FUT9: variants seen among roughly 807,000 people sequenced by gnomAD.
The protein encoded by FUT9 is 4-galactosyl-N-acetylglucosaminide 3-alpha-L-fucosyltransferase 9.
In FUT9, 15 loss-of-function variants were observed where a neutral mutation model predicts 29.7. The observed-to-expected ratio is 0.51, with a 90% CI of 0.34 to 0.78. FUT9 has a LOEUF of 0.78. FUT9 is among the 30% of genes least tolerant of loss of function. The probability of loss-of-function intolerance (pLI) is 0.01; values close to 1 mark genes in which losing one functional copy is unlikely to be tolerated. For missense variants in FUT9, 319 were observed against 425.4 expected (o/e 0.75, Z 2.20); for synonymous variants, 169 against 153.7 (o/e 1.10, Z -0.74).
chr6:96,144,938 T>G (rs1326341760), intron 2 of FUT9, among the ~76,000 whole-genome samples: 1 of 152,220 alleles, frequency 6.6e-6, no homozygotes. Context: ...AGATATGTAG[T>G]GTCTCATAAC....
At chr6:96,165,773 G>C (rs951729464) in intron 2 of FUT9, among the ~76,000 whole-genome samples, 2 of 151,942 alleles carry the variant, frequency 1.3e-5, no homozygotes, top group East Asian at 3.9e-4. Context: ...GCACCACCAT[G>C]CCTGGTTAAT....
In FUT9 at chr6:96,076,820, C is replaced by T. The variant is rs139691253; in HGVS notation, c.-97-37219C>T. ...TCTCAAATATACCACATGAACTGCTCGGCTGCAAATGTTGTTGGCCTTGTT... is the reference window on the plus strand; with the variant it reads ...TCTCAAATATACCACATGAACTGCTTGGCTGCAAATGTTGTTGGCCTTGTT... On this transcript the variant is annotated intron_variant, in intron 1 of 2. Coordinates refer to ENST00000302103, the MANE Select transcript of FUT9 (RefSeq NM_006581.4). Among the ~76,000 whole-genome samples the T allele has an allele frequency of 3.3e-5, 5 of 152,000 alleles. No homozygotes were observed. In the East Asian group the frequency reaches 7.7e-4, roughly 23 times the overall value.
chr6:96,159,526 T>A (rs1454349415), intron 2 of FUT9, among the ~76,000 whole-genome samples: 2 of 152,160 alleles, frequency 1.3e-5, no homozygotes, highest in African/African-American at 2.4e-5. Flanking sequence ...AATGTGTAAT[T>A]TGTAGAAATA....
chr6:96,145,060 A>G (rs904076882), intron 2 of FUT9, among the ~76,000 whole-genome samples: 1 of 151,546 alleles, frequency 6.6e-6, no homozygotes, highest in East Asian at 1.9e-4. Context: ...TTATTTATTT[A>G]TTTGTTTGTT....
At chr6:96,093,303 G>A (rs1207782372) in intron 1 of FUT9, among the ~76,000 whole-genome samples, 1 of 152,002 alleles carries the variant, frequency 6.6e-6, no homozygotes, top group East Asian at 1.9e-4. Flanking sequence ...TTCTTTCATA[G>A]GATTCTCTTA....
chr6:96,147,216 C>T (rs1299555449), intron 2 of FUT9, among the ~76,000 whole-genome samples: 2 of 148,944 alleles, frequency 1.3e-5, no homozygotes, highest in Non-Finnish European at 3.0e-5. Flanking sequence ...GGCTGGAGTG[C>T]AGTGGCCTGA....
intron 1 of FUT9, among the ~76,000 whole-genome samples, chr6:96,059,371 T>C (rs1770832787): frequency 1.3e-5 from 2 of 152,216 alleles, no homozygotes; most frequent in African/African-American, 4.8e-5. Context: ...CAGAGAATAA[T>C]GTTAGTCCAA....
intron 2 of FUT9, among the ~76,000 whole-genome samples, chr6:96,198,892 G>GT (rs1176120348): frequency 2.0e-5 from 3 of 152,048 alleles, no homozygotes; most frequent in Admixed American, 6.6e-5. Flanking sequence ...TTTTTCATGT[G>GT]TTTTTTGGCT....
At chr6:96,076,370 C>T (rs550395962) in intron 1 of FUT9, among the ~76,000 whole-genome samples, 1 of 152,244 alleles carries the variant, frequency 6.6e-6, no homozygotes, top group Non-Finnish European at 1.5e-5. Flanking sequence ...TGGGAATTAC[C>T]TGAGGGCTTT....
intron 1 of FUT9, among the ~76,000 whole-genome samples, chr6:96,078,405 CTTCTTTTT>C (rs1771175553): frequency 2.2e-5 from 1 of 45,194 alleles, no homozygotes. Flanking sequence ...TCATATTAGT[CTTCTTTTT>C]TTTTTTTTTT....
At chr6:96,034,773 G>T (rs1770322596) in intron 1 of FUT9, among the ~76,000 whole-genome samples, 1 of 151,680 alleles carries the variant, frequency 6.6e-6, no homozygotes, top group Admixed American at 6.6e-5. Flanking sequence ...CAGAGGGCTT[G>T]TTTAACAGGT....
intron 2 of FUT9, among the ~76,000 whole-genome samples, chr6:96,138,812 G>C (rs1170717964): frequency 6.6e-6 from 1 of 152,072 alleles, no homozygotes; most frequent in Non-Finnish European, 1.5e-5. Flanking sequence ...TCTGCAGCAT[G>C]TGTTATTTCT....
chr6:96,069,427 A>C (rs1771016132), intron 1 of FUT9, among the ~76,000 whole-genome samples: 1 of 152,082 alleles, frequency 6.6e-6, no homozygotes, highest in Non-Finnish European at 1.5e-5. Context: ...TTGCCAAATG[A>C]GAAGATTGGA....
chr6:96,172,854 C>A (rs1488281858), intron 2 of FUT9, among the ~76,000 whole-genome samples: 1 of 152,088 alleles, frequency 6.6e-6, no homozygotes, highest in Non-Finnish European at 1.5e-5. Flanking sequence ...ACTTTATACT[C>A]TGAGGACATA....
chr6:96,095,287 T>G (rs543371758), intron 1 of FUT9, among the ~76,000 whole-genome samples: 48 of 152,250 alleles, frequency 3.2e-4, no homozygotes, highest in African/African-American at 1.1e-3. Flanking sequence ...TTACAATAAT[T>G]ACTTATTATT....
At chr6:96,029,242 T>C (rs2127925598) in intron 1 of FUT9, among the ~76,000 whole-genome samples, 2 of 150,982 alleles carry the variant, frequency 1.3e-5, no homozygotes, top group Middle Eastern at 6.8e-3. Context: ...TCATTACAAA[T>C]TGCCAAAGAC....
intron 2 of FUT9, among the ~76,000 whole-genome samples, chr6:96,162,754 C>T (rs764901047): frequency 6.6e-6 from 1 of 152,182 alleles, no homozygotes; most frequent in African/African-American, 2.4e-5. Flanking sequence ...CTTAACAATT[C>T]TTCCTTAAAT....
chr6:96,032,441 C>G (rs1282859391), intron 1 of FUT9, among the ~76,000 whole-genome samples: 1 of 151,124 alleles, frequency 6.6e-6, no homozygotes, highest in Non-Finnish European at 1.5e-5. Context: ...AAGTAAAGGA[C>G]ACTAGAAAGA....
intron 2 of FUT9, among the ~76,000 whole-genome samples, chr6:96,176,075 C>CTCCA (rs1283266980): frequency 6.6e-6 from 1 of 152,246 alleles, no homozygotes; most frequent in African/African-American, 2.4e-5. Context: ...ACTCCAGGAT[C>CTCCA]TCCAGCCTTC....
Sources: allele counts gnomAD v4.1 joint callset (sites outside exome capture counted in the v4.1 genomes callset), GRCh38; gene constraint gnomAD v4.1.1; transcripts MANE v1.5; gene names NCBI Gene and HGNC (gene_info 2026-07-23, HGNC 2026-07-21).